Variants in GPC6 observed in about 807,000 individuals in gnomAD.
GPC6 encodes the protein glypican-6.
GPC6 carries 14 observed loss-of-function variants against 55.2 expected under a neutral mutation model. That is an observed-to-expected ratio of 0.25 (90% CI 0.17 to 0.40). The LOEUF is 0.40. Among genes scored for constraint, GPC6 ranks in the 10% least tolerant of loss-of-function variants. The pLI, the probability that GPC6 is intolerant of heterozygous loss-of-function variation, is 1.00. For synonymous variants in GPC6, 278 were observed against 259.6 expected (o/e 1.07, Z -0.68); for missense variants, 641 against 708.5 (o/e 0.90, Z 1.08).
At chr13:94,072,943 G>T (rs1419093946) in intron 4 of GPC6, among the ~76,000 whole-genome samples, 5 of 152,250 alleles carry the variant, frequency 3.3e-5, no homozygotes, top group Non-Finnish European at 5.9e-5. Context: ...AGAGTGGAAG[G>T]CATGCAAGAG....
chr13:93,864,522 G>T (rs1012122618), intron 3 of GPC6, among the ~76,000 whole-genome samples: 33 of 151,772 alleles, frequency 2.2e-4, no homozygotes, highest in African/African-American at 5.8e-4. Context: ...CATATGAAAT[G>T]ATTCTGATGG....
intron 1 of GPC6, among the ~76,000 whole-genome samples, chr13:93,392,909 C>T (rs1031228487): frequency 1.3e-5 from 2 of 151,802 alleles, no homozygotes; most frequent in African/African-American, 2.4e-5. Flanking sequence ...AAATCTAAAC[C>T]CGTGTATTTT....
chr13:93,584,684 G>GTTTTTT lies in GPC6; in HGVS notation c.319+39282_319+39287dup, dbSNP rs779571682. Among the ~76,000 whole-genome samples the GTTTTTT allele has an allele frequency of 3.1e-4, 30 of 95,560 alleles. 1 individual carries two copies. Among genetic ancestry groups the GTTTTTT allele is most frequent in the African/African-American group, 7.0e-4 (15 of 21,286 alleles). The allele number at this position is 95,560 out of a possible 152,430, so 62.7% of individuals were successfully genotyped here. ...CACGTTACCATGTTACCTTCTGAAA[G>GTTTTTT]TTTTTTTTTTTTTTTTTTTTTTTTG... On this transcript the variant is annotated intron_variant, in intron 2 of 8. Coordinates refer to ENST00000377047, the MANE Select transcript of GPC6 (RefSeq NM_005708.5).
At chr13:93,583,368 GTA>G (rs1464293778) in intron 2 of GPC6, among the ~76,000 whole-genome samples, 8 of 149,924 alleles carry the variant, frequency 5.3e-5, no homozygotes, top group Admixed American at 4.6e-4. Context: ...GCGCGCGTGC[GTA>G]TGTGTGTGTA....
chr13:93,441,336 C>A (rs113805037), intron 1 of GPC6, among the ~76,000 whole-genome samples: 1,833 of 152,226 alleles, frequency 0.012, 39 homozygotes, highest in African/African-American at 0.042. Context: ...TCCTATTTTT[C>A]CACATCCTCT....
chr13:93,272,492 G>GTGTATATATATA (rs1429769672), intron 1 of GPC6, among the ~76,000 whole-genome samples: 1 of 137,176 alleles, frequency 7.3e-6, no homozygotes, highest in South Asian at 2.3e-4. Context: ...TTGTCTGTGT[G>GTGTATATATATA]TATATATATA....
chr13:94,080,166 C>T (rs1192823723), intron 4 of GPC6, among the ~76,000 whole-genome samples: 3 of 152,140 alleles, frequency 2.0e-5, no homozygotes, highest in Non-Finnish European at 4.4e-5. Flanking sequence ...TTTAGAAGAG[C>T]CCAATTCCCC....
chr13:93,756,518 G>T (rs1369493583), intron 2 of GPC6, among the ~76,000 whole-genome samples: 4 of 152,088 alleles, frequency 2.6e-5, no homozygotes, highest in African/African-American at 9.7e-5. Flanking sequence ...CTTTATTCAA[G>T]GACTACTTTT....
intron 3 of GPC6, among the ~76,000 whole-genome samples, chr13:93,937,134 A>G (rs1566612121): frequency 6.6e-6 from 1 of 152,236 alleles, no homozygotes; most frequent in African/African-American, 2.4e-5. Flanking sequence ...GGGCTATTGC[A>G]TATGTTTTCT....
intron 4 of GPC6, among the ~76,000 whole-genome samples, chr13:94,225,069 G>C (rs1199688427): frequency 6.6e-6 from 1 of 152,098 alleles, no homozygotes; most frequent in East Asian, 1.9e-4. Context: ...TGGGAAGTTT[G>C]TCCAACTTTA....
At chr13:94,055,052 T>C (rs2138759380) in intron 4 of GPC6, among the ~76,000 whole-genome samples, 1 of 152,302 alleles carries the variant, frequency 6.6e-6, no homozygotes, top group East Asian at 1.9e-4. Flanking sequence ...TATGACTAGA[T>C]TCATATGCCA....
chr13:93,880,928 A>G (rs1467853106), intron 3 of GPC6, among the ~76,000 whole-genome samples: 1 of 152,028 alleles, frequency 6.6e-6, no homozygotes, highest in African/African-American at 2.4e-5. Flanking sequence ...GTATTCTTCA[A>G]CCATAAAAAG....
At chr13:93,750,002 A>G (rs147779349) in intron 2 of GPC6, among the ~76,000 whole-genome samples, 2,696 of 152,254 alleles carry the variant, frequency 0.018, 75 homozygotes, top group African/African-American at 0.06. Flanking sequence ...TGAATTTTCT[A>G]TAACAAAGAA....
intron 1 of GPC6, among the ~76,000 whole-genome samples, chr13:93,340,361 A>G (rs1880211200): frequency 6.6e-6 from 1 of 152,078 alleles, no homozygotes; most frequent in African/African-American, 2.4e-5. Context: ...AATACCTGTT[A>G]TGTGTTGCGC....
intron 1 of GPC6, among the ~76,000 whole-genome samples, chr13:93,285,771 A>G (rs1878103561): frequency 6.6e-6 from 1 of 152,064 alleles, no homozygotes; most frequent in Non-Finnish European, 1.5e-5. Context: ...CATGTCAAAA[A>G]GTATGAAAAT....
intron 1 of GPC6, among the ~76,000 whole-genome samples, chr13:93,258,192 C>A (rs1877019037): frequency 6.6e-6 from 1 of 152,172 alleles, no homozygotes; most frequent in Non-Finnish European, 1.5e-5. Context: ...TTCCCCAGCT[C>A]CTTTGCATCC....
intron 1 of GPC6, among the ~76,000 whole-genome samples, chr13:93,231,393 ATATG>A (rs1307548456): frequency 8.8e-4 from 22 of 24,862 alleles, no homozygotes; most frequent in Middle Eastern, 0.023. Context: ...ATATATATAT[ATATG>A]TATATATATA....
In GPC6 at chr13:94,169,228, G is replaced by T. The variant is rs187497515; in HGVS notation, c.878-117121G>T. Among the ~76,000 whole-genome samples, 38 of 152,282 alleles carry T rather than the reference G, an allele frequency of 2.5e-4. 1 individual carries two copies. The highest frequency in any genetic ancestry group is 4.3e-4 in the Non-Finnish European group (29 of 68,028). ...AATGATTTCCTCTGTTGATGCAGTT[G>T]CAATAATTTTCAATATCTCATTTGT... is the stretch of plus-strand genomic sequence containing the variant. On this transcript the variant is annotated intron_variant, in intron 4 of 8. Coordinates refer to ENST00000377047, the MANE Select transcript of GPC6 (RefSeq NM_005708.5).
At chr13:94,145,796 G>A (rs1887543489) in intron 4 of GPC6, among the ~76,000 whole-genome samples, 1 of 152,144 alleles carries the variant, frequency 6.6e-6, no homozygotes, top group Admixed American at 6.6e-5. Context: ...TTTAACAGAA[G>A]GGAACATGTG....
Sources: allele counts gnomAD v4.1 joint callset (sites outside exome capture counted in the v4.1 genomes callset), GRCh38; gene constraint gnomAD v4.1.1; transcripts MANE v1.5; gene names NCBI Gene and HGNC (gene_info 2026-07-23, HGNC 2026-07-21).